The following PCDHGB4 variants were observed in gnomAD, a reference collection of about 807,000 sequenced individuals.
The protein encoded by PCDHGB4 is protocadherin gamma-B4.
PCDHGB4 carries 38 observed loss-of-function variants against 60.5 expected under a neutral mutation model. The observed-to-expected ratio is 0.63, with a 90% CI of 0.48 to 0.82. The LOEUF is 0.82. PCDHGB4 is among the 40% of genes least tolerant of loss of function. The probability of loss-of-function intolerance (pLI) is 0.00; values close to 1 mark genes in which losing one functional copy is unlikely to be tolerated. For synonymous variants in PCDHGB4, 456 were observed against 509.7 expected (o/e 0.89, Z 1.42); for missense variants, 1,109 against 1,209.6 (o/e 0.92, Z 1.23).
At chr5:141,502,739 A>C (rs1287180048) in intron 2 of PCDHGB4, among the ~76,000 whole-genome samples, 1 of 152,070 alleles carries the variant, frequency 6.6e-6, no homozygotes, top group Non-Finnish European at 1.5e-5. Flanking sequence ...ATGTTCTGTC[A>C]TTCCTTCTAC....
chr5:141,440,793 C>T (rs1448130354), intron 1 of PCDHGB4: 1 of 152,124 alleles, frequency 6.6e-6, no homozygotes, highest in Non-Finnish European at 1.5e-5. Context: ...TAGACGGCCC[C>T]CCAACAAAGC....
intron 1 of PCDHGB4, chr5:141,408,692 ATAAAC>A: frequency 1.2e-6 from 2 of 1,613,906 alleles, no homozygotes; most frequent in Non-Finnish European, 1.7e-6. Flanking sequence ...TGATATAAAC[ATAAAC>A]TCAATTAAAG....
At chr5:141,396,767 G>A (rs900685366) in intron 1 of PCDHGB4, 1 of 152,338 alleles carries the variant, frequency 6.6e-6, no homozygotes, top group East Asian at 1.9e-4. Context: ...ATAAATGTTT[G>A]TTATTAATGA....
intron 1 of PCDHGB4, chr5:141,419,070 T>G: frequency 6.2e-7 from 1 of 1,613,926 alleles, no homozygotes; most frequent in Non-Finnish European, 8.5e-7. Context: ...TACTACAAGC[T>G]AGTAACAGAT....
At chr5:141,404,771 C>A in intron 1 of PCDHGB4, 2 of 1,613,870 alleles carry the variant, frequency 1.2e-6, no homozygotes, top group African/African-American at 1.3e-5. Context: ...GCTCTCCTAC[C>A]GCCTATTCAA....
chr5:141,427,995 G>C (rs1292989797), intron 1 of PCDHGB4: 2 of 1,599,590 alleles, frequency 1.3e-6, no homozygotes, highest in African/African-American at 2.7e-5. Flanking sequence ...CGATGGCTCC[G>C]CACTCTTCGA....
Position 141,477,071 on chromosome 5 carries a change from G to T in PCDHGB4, c.2398-17736G>T. 6.2e-7 allele frequency: 1 copy of T among 1,614,226 alleles called. No individual in the cohort carries two copies. The highest frequency in any genetic ancestry group is 8.5e-7 in the Non-Finnish European group (1 of 1,180,030). ...GGACTTCGAGGACACCAAACTCCAT[G>T]AGATTTACATCCAGGCCAAAGACAA... is the stretch of plus-strand genomic sequence containing the variant. On this transcript the variant is annotated intron_variant, in intron 1 of 3. Coordinates refer to ENST00000519479, the MANE Select transcript of PCDHGB4 (RefSeq NM_003736.4). This position sits in a 1 kb window ranked among gnomAD's most constrained non-coding sequence, Gnocchi z 4.9.
In PCDHGB4 at chr5:141,459,848, C is replaced by T. The variant is rs573481876; in HGVS notation, c.2398-34959C>T. Among the ~76,000 whole-genome samples the T allele has an allele frequency of 1.1e-4, 16 of 152,244 alleles. No homozygotes were observed. In the South Asian group the frequency reaches 2.5e-3, roughly 24 times the overall value. ...TTTCATGTGTTGTCTATTTGTATATCTTCTTGAAGCATTCGTTCATCTTTA... is the reference window on the plus strand; with the variant it reads ...TTTCATGTGTTGTCTATTTGTATATTTTCTTGAAGCATTCGTTCATCTTTA... On this transcript the variant is annotated intron_variant, in intron 1 of 3. Transcript: ENST00000519479.
At chr5:141,483,293 G>T (rs532959899) in intron 1 of PCDHGB4, among the ~76,000 whole-genome samples, 1 of 152,264 alleles carries the variant, frequency 6.6e-6, no homozygotes, top group Non-Finnish European at 1.5e-5. Flanking sequence ...TCAGTCATAA[G>T]TGAAGGGACT....
At chr5:141,492,382 T>C (rs71583650) in intron 1 of PCDHGB4, among the ~76,000 whole-genome samples, 2,103 of 152,322 alleles carry the variant, frequency 0.014, 36 homozygotes, top group African/African-American at 0.031. Flanking sequence ...ACAGGCCTGT[T>C]CCGGTCCACT....
intron 1 of PCDHGB4, among the ~76,000 whole-genome samples, chr5:141,405,652 G>GT (rs1479754913): frequency 6.6e-6 from 1 of 152,034 alleles, no homozygotes; most frequent in Non-Finnish European, 1.5e-5. Flanking sequence ...TTTTTTGTGT[G>GT]TTTTTAGTAG....
Position 141,436,164 on chromosome 5 carries a change from A to G in PCDHGB4, c.2397+45883A>G, listed in dbSNP as rs896845015. Among the ~76,000 whole-genome samples, 8 of 152,188 alleles carry G rather than the reference A, an allele frequency of 5.3e-5. No homozygotes were observed. The East Asian group carries it at 1.3e-3, about 26-fold the overall frequency. ...AACTACCAAAATGTTTATCATATGG[A>G]CAGTTCTCATATATAGTCAAATAGA... On this transcript the variant is annotated intron_variant, in intron 1 of 3. Transcript: ENST00000519479.
rs762770481 is a variant in PCDHGB4, at chr5:141,432,320, G to GACT, written c.2397+42042_2397+42044dup. On this transcript the variant is annotated intron_variant, in intron 1 of 3. Coordinates refer to ENST00000519479, the MANE Select transcript of PCDHGB4 (RefSeq NM_003736.4). This position sits in a 1 kb window ranked among gnomAD's most constrained non-coding sequence, Gnocchi z 6.0. ...GGTACTGTATGCGCTGAGCTCCTTC[G>GACT]ACTACGAGCAGTTCCGAGACTTGCA... is the stretch of plus-strand genomic sequence containing the variant. The GACT allele has an allele frequency of 2.6e-5, 42 of 1,614,238 alleles. No individual in the cohort carries two copies. The highest frequency in any genetic ancestry group is 3.6e-5 in the Non-Finnish European group (42 of 1,180,038).
chr5:141,399,925 C>A (rs779347793), intron 1 of PCDHGB4: 3 of 1,612,364 alleles, frequency 1.9e-6, no homozygotes, highest in South Asian at 1.1e-5. Flanking sequence ...CAACGCCTGG[C>A]TGTCCTACCA....
chr5:141,463,590 A>G (rs975534405), intron 1 of PCDHGB4, among the ~76,000 whole-genome samples: 3 of 151,848 alleles, frequency 2.0e-5, no homozygotes, highest in African/African-American at 7.3e-5. Flanking sequence ...CTGGGACTAC[A>G]GGTGCCTGCC....
intron 1 of PCDHGB4, chr5:141,419,253 A>C (rs1590154657): frequency 6.2e-7 from 1 of 1,613,990 alleles, no homozygotes; most frequent in South Asian, 1.1e-5. Context: ...CCAGAAAACA[A>C]CCAGCCGGGT....
intron 1 of PCDHGB4, chr5:141,400,577 T>G: frequency 6.2e-7 from 1 of 1,611,914 alleles, no homozygotes; most frequent in East Asian, 2.2e-5. Flanking sequence ...TTTTCTGTAT[T>G]TACATGAAAC....
At chr5:141,413,820 C>T in intron 1 of PCDHGB4, 1 of 1,613,204 alleles carries the variant, frequency 6.2e-7, no homozygotes, top group Non-Finnish European at 8.5e-7. Flanking sequence ...ACCACCTGGT[C>T]CTCACCGCCT....
intron 1 of PCDHGB4, among the ~76,000 whole-genome samples, chr5:141,457,854 C>A (rs2098930903): frequency 6.6e-6 from 1 of 152,234 alleles, no homozygotes; most frequent in African/African-American, 2.4e-5. Flanking sequence ...AAGTGACATT[C>A]TTCACTGACC....
Sources: allele counts gnomAD v4.1 joint callset (sites outside exome capture counted in the v4.1 genomes callset), GRCh38; gene constraint gnomAD v4.1.1; non-coding constraint Gnocchi (gnomAD v3.1); transcripts MANE v1.5; gene names NCBI Gene and HGNC (gene_info 2026-07-23, HGNC 2026-07-21).